The following EML6 variants were observed in gnomAD, a reference collection of about 807,000 sequenced individuals.
The protein encoded by EML6 is echinoderm microtubule-associated protein-like 6.
In EML6, 154 loss-of-function variants were observed where a neutral mutation model predicts 240.1. The ratio of observed to expected loss-of-function variants is 0.64; its 90% CI spans 0.56 to 0.73. The LOEUF (loss-of-function observed/expected upper bound fraction) is 0.73, where lower values mean the gene tolerates loss of function less well. EML6 is among the 30% of genes least tolerant of loss of function. The probability of loss-of-function intolerance (pLI) is 0.00; values close to 1 mark genes in which losing one functional copy is unlikely to be tolerated. For missense variants in EML6, 2,964 were observed against 2,474.6 expected, an observed-to-expected ratio of 1.20 and a Z score of -4.20; for synonymous variants, 1,148 against 899.0, an observed-to-expected ratio of 1.28 and a Z score of -4.95.
intron 24 of EML6, among the ~76,000 whole-genome samples, chr2:54,908,881 C>T (rs909450729): frequency 2.0e-5 from 3 of 152,142 alleles, no homozygotes; most frequent in Non-Finnish European, 2.9e-5. Context: ...AGAGTATAAA[C>T]ATGACCGCGG....
chr2:54,797,620 T>C (rs1669893244), intron 2 of EML6, among the ~76,000 whole-genome samples: 2 of 91,978 alleles, frequency 2.2e-5, no homozygotes, highest in Non-Finnish European at 4.6e-5. Context: ...AAAACTTCTT[T>C]ATTGTAAAAA....
At chr2:54,829,652 A>C (rs1668770331) in intron 7 of EML6, among the ~76,000 whole-genome samples, 175 bp downstream of exon 7, 1 of 152,204 alleles carries the variant, frequency 6.6e-6, no homozygotes, top group African/African-American at 2.4e-5. Context: ...ATTCGCACAA[A>C]TGCATCTGCA....
intron 2 of EML6, among the ~76,000 whole-genome samples, chr2:54,791,160 G>A (rs962888264): frequency 6.6e-6 from 1 of 152,178 alleles, no homozygotes; most frequent in Non-Finnish European, 1.5e-5. Flanking sequence ...AGGTGAGGGA[G>A]GACGTGTAGG....
chr2:54,913,038 C>A (rs1673722529), intron 25 of EML6, among the ~76,000 whole-genome samples: 1 of 148,848 alleles, frequency 6.7e-6, no homozygotes, highest in East Asian at 2.0e-4. Context: ...AGTGAATAAG[C>A]ATTCCCTTTA....
At chr2:54,747,064 T>C (rs538297751) in intron 2 of EML6, 3 of 152,380 alleles carry the variant, frequency 2.0e-5, no homozygotes, top group African/African-American at 7.2e-5. Context: ...AAATCTTCAT[T>C]TGACCTTTTC....
chr2:54,881,552 G>A (rs1671808606), intron 17 of EML6: 1 of 151,274 alleles, frequency 6.6e-6, no homozygotes, highest in Non-Finnish European at 1.5e-5. Flanking sequence ...CTACTCAGGA[G>A]GCAGGAAAAT....
intron 35 of EML6, 83 bp from the exon 36 acceptor site, chr2:54,962,440 T>G: frequency 9.3e-7 from 1 of 1,072,220 alleles, no homozygotes. Context: ...TCTGTCTCCA[T>G]GAATTTGTCT....
intron 37 of EML6, 102 bp downstream of exon 37, chr2:54,964,260 G>C (rs1051314555): frequency 8.2e-7 from 1 of 1,224,916 alleles, no homozygotes; most frequent in Admixed American, 2.7e-5. Flanking sequence ...TCAGTTGTGA[G>C]AGGGTCACTT....
At chr2:54,895,527 A>G in intron 21 of EML6, 127 bp downstream of exon 21, 2 of 837,810 alleles carry the variant, frequency 2.4e-6, no homozygotes, top group South Asian at 1.8e-5. Flanking sequence ...GAGTTGAACT[A>G]GTTACCTATT....
intron 21 of EML6, 57 bp from the exon 22 acceptor site, chr2:54,899,584 A>AT: frequency 2.0e-6 from 3 of 1,507,954 alleles, no homozygotes; most frequent in Non-Finnish European, 2.7e-6. Context: ...CAGGCTAAAG[A>AT]AGGGCTAGCC....
chr2:54,807,539 T>C lies in EML6; in HGVS notation c.198-5693T>C, dbSNP rs367691348. Among the ~76,000 whole-genome samples the C allele has an allele frequency of 6.6e-5, 10 of 152,308 alleles. No individual in the cohort carries two copies. The South Asian group carries it at 1.0e-3, about 16-fold the overall frequency. On this transcript the variant is annotated intron_variant, in intron 2 of 41. Coordinates refer to ENST00000356458, the MANE Select transcript of EML6 (RefSeq NM_001039753.4). ...CTTAGTGATTTCCATGATGTAAATA[T>C]ACCCACTATGGCTGACTTCAAGCCA... is the stretch of plus-strand genomic sequence containing the variant.
intron 2 of EML6, among the ~76,000 whole-genome samples, chr2:54,761,130 T>G (rs1667962688): frequency 6.6e-6 from 1 of 152,132 alleles, no homozygotes; most frequent in Non-Finnish European, 1.5e-5. Flanking sequence ...ATAACTCTCA[T>G]CATTGTTGAG....
In EML6 at chr2:54,725,157, A is replaced by T; in HGVS notation, c.96A>T (p.Ala32=). 1 of 1,534,594 alleles carries T rather than the reference A, an allele frequency of 6.5e-7. No individual in the cohort carries two copies. The highest frequency in any genetic ancestry group is 1.4e-5 in the African/African-American group (1 of 71,342). The change falls in exon 2 of 42, where the codon GCA becomes GCT. Residue 32 remains alanine, a synonymous_variant. Transcript: ENST00000356458. The surrounding 1 kb of genome is among the most constrained non-coding windows in gnomAD (Gnocchi z 4.3). ...GCCGCAACAACCTGTACTACACGGCAGGCAAGGAGGTGGTCTACTTTGTGG... is the reference window on the plus strand; with the variant it reads ...GCCGCAACAACCTGTACTACACGGCTGGCAAGGAGGTGGTCTACTTTGTGG... ...HQCRNNLYYT[A]GKEVVYFVAG...
At chr2:54,831,678 C>A (rs1487295474) in intron 7 of EML6, among the ~76,000 whole-genome samples, 3 of 152,208 alleles carry the variant, frequency 2.0e-5, no homozygotes, top group Non-Finnish European at 2.9e-5. Flanking sequence ...TGGTGTGCAT[C>A]TTAGATGGCT....
At chr2:54,765,706 A>C (rs10174018) in intron 2 of EML6, among the ~76,000 whole-genome samples, 54,089 of 151,996 alleles carry the variant, frequency 0.36, 11,108 homozygotes, top group African/African-American at 0.56. Flanking sequence ...GTGATCCACC[A>C]GTCTCGGCCT....
At chr2:54,877,896 T>C (rs1328290912) in intron 16 of EML6, among the ~76,000 whole-genome samples, 1 of 152,202 alleles carries the variant, frequency 6.6e-6, no homozygotes, top group Non-Finnish European at 1.5e-5. Context: ...CTCTCCTTCA[T>C]CCAGAAAAGG....
intron 22 of EML6, among the ~76,000 whole-genome samples, chr2:54,900,811 G>T (rs1324705145): frequency 6.6e-6 from 1 of 152,182 alleles, no homozygotes; most frequent in African/African-American, 2.4e-5. Context: ...AAAAGGGGAT[G>T]TGAAAGGACA....
In EML6 at chr2:54,952,724, C is replaced by T. The variant is rs759162071; in HGVS notation, c.4312+32C>T. ...GGTCCTGTGGCAGCTGAGGCTCTCC[C>T]AGCTTGCAGGGACGCTGACCTGTCA... On this transcript the variant is annotated intron_variant, in intron 31 of 41. Transcript: ENST00000356458. 2.1e-6 allele frequency: 3 copies of T among 1,441,262 alleles called. 1 individual carries two copies. The South Asian group carries it at 3.7e-5, about 18-fold the overall frequency. 89.3% of individuals were successfully genotyped at this position (1,441,262 alleles called of 1,614,324 possible).
Position 54,725,262 on chromosome 2 carries a change from A to G in EML6, c.197+4A>G, listed in dbSNP as rs1169146449. 2.8e-6 allele frequency: 4 copies of G among 1,423,844 alleles called. No individual in the cohort carries two copies. Among genetic ancestry groups the G allele is most frequent in the Non-Finnish European group, 3.7e-6 (4 of 1,075,910 alleles). 88.2% of individuals were successfully genotyped at this position (1,423,844 alleles called of 1,614,324 possible). A position where few individuals can be genotyped will look rare whatever the true frequency, so the allele number is the denominator to read the frequency against. On this transcript the variant is annotated splice_donor_region_variant and intron_variant, in intron 2 of 41. Coordinates refer to ENST00000356458, the MANE Select transcript of EML6 (RefSeq NM_001039753.4). This position sits in a 1 kb window ranked among gnomAD's most constrained non-coding sequence, Gnocchi z 4.3. ...GACACAACGACGACATTATCAGGTAAGGGGGTGGCCAGGGGCGGCGGGGAG... is the reference window on the plus strand; with the variant it reads ...GACACAACGACGACATTATCAGGTAGGGGGGTGGCCAGGGGCGGCGGGGAG...
Sources: allele counts gnomAD v4.1 joint callset (sites outside exome capture counted in the v4.1 genomes callset), GRCh38; gene constraint gnomAD v4.1.1; non-coding constraint Gnocchi (gnomAD v3.1); transcripts MANE v1.5; gene names NCBI Gene and HGNC (gene_info 2026-07-23, HGNC 2026-07-21).